EFHC2: variants seen among roughly 807,000 people sequenced by gnomAD.
The protein encoded by EFHC2 is EF-hand domain-containing family member C2.
In EFHC2, 18 loss-of-function variants were observed where a neutral mutation model predicts 52.7. The ratio of observed to expected loss-of-function variants is 0.34; its 90% confidence interval spans 0.24 to 0.51. EFHC2 has a LOEUF of 0.51. Ranked by LOEUF, EFHC2 falls within the 20% of genes least tolerant of loss-of-function variation. The pLI, the probability that EFHC2 is intolerant of heterozygous loss-of-function variation, is 0.97. For missense variants in EFHC2, 513 were observed against 562.5 expected, an observed-to-expected ratio of 0.91 and a Z score of 0.89; for synonymous variants, 203 against 204.1, an observed-to-expected ratio of 0.99 and a Z score of 0.04.
chrX:44,309,601 A>G (rs2037930742), intron 2 of EFHC2: 5 of 1,158,406 alleles, frequency 4.3e-6, no homozygotes, highest in Non-Finnish European at 5.9e-6. Context: ...AGCATTGATA[A>G]TTATTTCTCT....
intron 11 of EFHC2, among the ~76,000 whole-genome samples, chrX:44,179,566 T>G (rs761168668): frequency 8.9e-6 from 1 of 112,285 alleles, no homozygotes; most frequent in Non-Finnish European, 1.9e-5. Context: ...CCCACAGCAT[T>G]GATGTTGACC....
chrX:44,150,074 C>T (rs2036558504), intron 14 of EFHC2, among the ~76,000 whole-genome samples: 1 of 111,950 alleles, frequency 8.9e-6, no homozygotes, highest in Non-Finnish European at 1.9e-5. Flanking sequence ...AAAGTTCATA[C>T]ATATGGTTGC....
At chrX:44,305,403 C>T (rs918575011) in intron 2 of EFHC2, among the ~76,000 whole-genome samples, 1 of 112,309 alleles carries the variant, frequency 8.9e-6, no homozygotes, top group African/African-American at 3.2e-5. Context: ...ACTTCCATGG[C>T]ACAGTTGCTG....
chrX:44,339,143 A>G (rs2038136909), intron 1 of EFHC2, among the ~76,000 whole-genome samples: 1 of 104,257 alleles, frequency 9.6e-6, no homozygotes, highest in Non-Finnish European at 1.9e-5. Flanking sequence ...GTGAGCCGAG[A>G]TGGCGCCATT....
At chrX:44,230,906 G>A (rs1335098118) in intron 10 of EFHC2, among the ~76,000 whole-genome samples, 1 of 111,102 alleles carries the variant, frequency 9.0e-6, no homozygotes, top group Non-Finnish European at 1.9e-5. Flanking sequence ...TATCAAACAG[G>A]CACTGTTGTT....
chrX:44,334,167 G>A (rs757348829), intron 1 of EFHC2, among the ~76,000 whole-genome samples: 2 of 111,966 alleles, frequency 1.8e-5, no homozygotes, highest in Non-Finnish European at 3.8e-5. Context: ...ACGAAGTTCA[G>A]TACAGAATGC....
chrX:44,237,370 A>ACTTATAC (rs755168351), intron 8 of EFHC2, among the ~76,000 whole-genome samples: 8 of 111,987 alleles, frequency 7.1e-5, no homozygotes, highest in African/African-American at 2.6e-4. Context: ...CTGACCACCT[A>ACTTATAC]CTTATACCTC....
chrX:44,264,852 C>T (rs1212663992), intron 3 of EFHC2, among the ~76,000 whole-genome samples: 2 of 112,072 alleles, frequency 1.8e-5, no homozygotes, highest in Non-Finnish European at 3.8e-5. Context: ...GGGCAGGATA[C>T]CATGTCCTTG....
intron 11 of EFHC2, among the ~76,000 whole-genome samples, chrX:44,189,507 G>A (rs1012265968): frequency 5.3e-5 from 6 of 112,280 alleles, no homozygotes; most frequent in Admixed American, 2.8e-4. Flanking sequence ...GCATGTGTAC[G>A]CCATGTAGGA....
intron 14 of EFHC2, among the ~76,000 whole-genome samples, chrX:44,157,178 G>T (rs370793464): frequency 7.1e-5 from 8 of 112,098 alleles, no homozygotes; most frequent in African/African-American, 1.6e-4. Flanking sequence ...CTTGTTTGTT[G>T]TTGACCCCTA....
chrX:44,283,000 C>A (rs1402688114), intron 2 of EFHC2, among the ~76,000 whole-genome samples: 1 of 110,240 alleles, frequency 9.1e-6, no homozygotes, highest in Admixed American at 9.6e-5. Context: ...CTTCCCGACT[C>A]GGCTTCTACA....
At chrX:44,214,128 C>T (rs925150414) in intron 11 of EFHC2, among the ~76,000 whole-genome samples, 3 of 111,085 alleles carry the variant, frequency 2.7e-5, no homozygotes, top group Non-Finnish European at 5.7e-5. Context: ...AATGGGAATA[C>T]TAGAAGGAGA....
At chrX:44,240,978 T>A (rs1378144589) in intron 8 of EFHC2, among the ~76,000 whole-genome samples, 3 of 112,086 alleles carry the variant, frequency 2.7e-5, no homozygotes, top group Non-Finnish European at 5.6e-5. Context: ...TCTTAATCAA[T>A]TTTTACCACT....
chrX:44,328,225 C>T (rs985770175), intron 1 of EFHC2, among the ~76,000 whole-genome samples: 5 of 111,836 alleles, frequency 4.5e-5, no homozygotes, highest in African/African-American at 1.3e-4. Flanking sequence ...TTTTAGGAGT[C>T]TGTTTTGGAA....
intron 3 of EFHC2, among the ~76,000 whole-genome samples, chrX:44,271,416 G>A (rs1208992777): frequency 1.2e-4 from 13 of 111,456 alleles, no homozygotes; most frequent in Non-Finnish European, 1.9e-4. Context: ...TGAGCAAGTA[G>A]GGAAAGTAAA....
intron 14 of EFHC2, among the ~76,000 whole-genome samples, chrX:44,149,937 T>TTG (rs774685065): frequency 1.1e-4 from 12 of 111,398 alleles, no homozygotes; most frequent in Non-Finnish European, 1.7e-4. Flanking sequence ...GCCACTTTAT[T>TTG]TGTGTGTGTG....
chrX:44,239,300 T>TG, intron 8 of EFHC2, among the ~76,000 whole-genome samples: 2 of 112,188 alleles, frequency 1.8e-5, no homozygotes, highest in Non-Finnish European at 3.8e-5. Context: ...CTTCTATCCA[T>TG]GATTAAGAAC....
At chrX:44,149,798 G>A (rs1245948139) in intron 14 of EFHC2, among the ~76,000 whole-genome samples, 3 of 112,300 alleles carry the variant, frequency 2.7e-5, no homozygotes, top group Non-Finnish European at 3.8e-5. Context: ...AATTACAGAC[G>A]TGAACTGCTG....
chrX:44,175,571 G>A (rs755135426), intron 13 of EFHC2, among the ~76,000 whole-genome samples: 58 of 111,897 alleles, frequency 5.2e-4, no homozygotes, highest in South Asian at 1.9e-3. Context: ...GCATCCTTAC[G>A]TATGAGATAA....
Sources: gnomAD v4.1 joint callset for allele counts (sites outside exome capture counted in the v4.1 genomes callset) on GRCh38, gnomAD v4.1.1 for gene constraint, MANE v1.5 for transcripts, NCBI Gene and HGNC (gene_info 2026-07-23, HGNC 2026-07-21) for gene names.